ENPP6: variants seen among roughly 807,000 people sequenced by gnomAD.
ENPP6 encodes the protein glycerophosphocholine cholinephosphodiesterase ENPP6.
Under a neutral mutation model 42.0 loss-of-function variants are expected in ENPP6, and 32 were observed. The ratio of observed to expected loss-of-function variants is 0.76; its 90% confidence interval spans 0.58 to 1.02. The LOEUF is 1.02. Ranked by LOEUF, ENPP6 falls within the 50% of genes least tolerant of loss-of-function variation. The pLI is 0.00. For missense variants in ENPP6, 552 were observed against 566.8 expected, an observed-to-expected ratio of 0.97 and a Z score of 0.27; for synonymous variants, 213 against 216.0, an observed-to-expected ratio of 0.99 and a Z score of 0.12.
Position 184,131,140 on chromosome 4 carries a change from A to ACTTACTTTCTTTCTTT in ENPP6, c.422-6869_422-6868insAAAGAAAGAAAGTAAG, listed in dbSNP as rs1491154845. On this transcript the variant is annotated intron_variant, in intron 2 of 7. Transcript: ENST00000296741. ...TTTCAACTTGCTTCCACCAGCACTTACTTTCTTTCTTTCTTTCTTTCTTTC... is the reference window on the plus strand; with the variant it reads ...TTTCAACTTGCTTCCACCAGCACTTACTTACTTTCTTTCTTTCTTTCTTTCTTTCTTTCTTTCTTTC... 5.2e-4 allele frequency among the ~76,000 whole-genome samples: 63 copies of ACTTACTTTCTTTCTTT among 121,712 alleles called. 2 individuals are homozygous for ACTTACTTTCTTTCTTT. In the East Asian group the frequency reaches 6.6e-3, roughly 13 times the overall value. 79.8% of individuals were successfully genotyped at this position (121,712 alleles called of 152,430 possible).
intron 1 of ENPP6, among the ~76,000 whole-genome samples, chr4:184,211,885 C>A (rs1733119061): frequency 6.7e-6 from 1 of 150,370 alleles, no homozygotes; most frequent in Non-Finnish European, 1.5e-5. Flanking sequence ...AAAAGCTTAT[C>A]CACCATGATC....
intron 1 of ENPP6, among the ~76,000 whole-genome samples, chr4:184,168,712 C>T (rs1476693354): frequency 6.6e-6 from 1 of 152,186 alleles, no homozygotes; most frequent in Admixed American, 6.5e-5. Context: ...GTTTGAAGGC[C>T]ACCCCCAGGA....
At chr4:184,116,058 A>T (rs1296743743) in intron 5 of ENPP6, among the ~76,000 whole-genome samples, 3 of 151,976 alleles carry the variant, frequency 2.0e-5, no homozygotes, top group African/African-American at 7.2e-5. Flanking sequence ...TACTAAAAAA[A>T]AAAAATACAA....
chr4:184,211,783 A>C (rs1310466085), intron 1 of ENPP6, among the ~76,000 whole-genome samples: 6 of 148,986 alleles, frequency 4.0e-5, no homozygotes, highest in Non-Finnish European at 5.9e-5. Context: ...GAGACACAAC[A>C]AAAAAAGAGA....
chr4:184,137,201 A>T (rs1169774023), intron 2 of ENPP6, among the ~76,000 whole-genome samples: 1 of 152,158 alleles, frequency 6.6e-6, no homozygotes, highest in Non-Finnish European at 1.5e-5. Context: ...GGTTCAAGCA[A>T]TTCTCCTGCC....
At chr4:184,132,263 T>C (rs1436096261) in intron 2 of ENPP6, among the ~76,000 whole-genome samples, 1 of 152,134 alleles carries the variant, frequency 6.6e-6, no homozygotes, top group Non-Finnish European at 1.5e-5. Context: ...ACAGTGGATA[T>C]GATGAGTTCT....
rs1205694891 is a variant in ENPP6, at chr4:184,186,867, A to G, written c.241+30712T>C. Among the ~76,000 whole-genome samples the G allele has an allele frequency of 3.3e-5, 5 of 152,048 alleles. No homozygotes were observed. The East Asian group carries it at 9.6e-4, about 29-fold the overall frequency. On this transcript the variant is annotated intron_variant, in intron 1 of 7. Coordinates refer to ENST00000296741, the MANE Select transcript of ENPP6 (RefSeq NM_153343.4). ...CCCGGTGCTAGAGTGATCTTTCTAA[A>G]ATGAAAGTCTTATCACACTACCCCC...
rs928598178 is a variant in ENPP6 at position 184,090,502 on chromosome 4, G to A, written c.*675C>T. ...CTCAAGGCAAGAGAGAAATTTTCGT[G>A]CACTCAGACTTTGGGAGGGCACTCA... On this transcript the variant is annotated 3_prime_UTR_variant, in exon 8 of 8. Transcript: ENST00000296741. 3 of 152,566 alleles carry A rather than the reference G, an allele frequency of 2.0e-5. No homozygotes were observed. The highest frequency in any genetic ancestry group is 7.2e-5 in the African/African-American group (3 of 41,482). 9.5% of individuals were successfully genotyped at this position (152,566 alleles called of 1,614,324 possible).
chr4:184,190,070 G>A (rs1732693028), intron 1 of ENPP6, among the ~76,000 whole-genome samples: 1 of 152,108 alleles, frequency 6.6e-6, no homozygotes, highest in African/African-American at 2.4e-5. Context: ...TGGAAGCAGG[G>A]GTGCTAAAAT....
intron 3 of ENPP6, among the ~76,000 whole-genome samples, chr4:184,119,752 G>A (rs780541543): frequency 1.3e-5 from 2 of 151,470 alleles, no homozygotes; most frequent in African/African-American, 2.4e-5. Context: ...TCATGATATT[G>A]CTATTCTCAT....
chr4:184,199,382 G>A (rs1218784031), intron 1 of ENPP6, among the ~76,000 whole-genome samples: 5 of 152,214 alleles, frequency 3.3e-5, no homozygotes, highest in African/African-American at 4.8e-5. Flanking sequence ...CTAGTGAGTG[G>A]CTGAAGAACA....
rs75223339 is a variant in ENPP6 at position 184,207,937 on chromosome 4, A to G, written c.241+9642T>C. ...TGTCCTCAGATGGCCTTTTCTCTGCACGTGCGCATGCCTGTGTCTCTTCGC... is the reference window on the plus strand; with the variant it reads ...TGTCCTCAGATGGCCTTTTCTCTGCGCGTGCGCATGCCTGTGTCTCTTCGC... On this transcript the variant is annotated intron_variant, in intron 1 of 7. Coordinates refer to ENST00000296741, the MANE Select transcript of ENPP6 (RefSeq NM_153343.4). 2.5e-3 allele frequency among the ~76,000 whole-genome samples: 376 copies of G among 152,274 alleles called. 19 individuals are homozygous for G. The East Asian group carries it at 0.069, about 28-fold the overall frequency.
intron 2 of ENPP6, among the ~76,000 whole-genome samples, chr4:184,136,571 C>T (rs1029032929): frequency 6.6e-6 from 1 of 152,146 alleles, no homozygotes; most frequent in African/African-American, 2.4e-5. Context: ...GTTGCTGTCT[C>T]AGTTTACTAT....
chr4:184,162,182 C>G (rs1737272493), intron 1 of ENPP6, among the ~76,000 whole-genome samples: 2 of 152,144 alleles, frequency 1.3e-5, no homozygotes, highest in Admixed American at 1.3e-4. Context: ...CACAGCAACC[C>G]CCTCCAAAAT....
intron 1 of ENPP6, among the ~76,000 whole-genome samples, chr4:184,180,288 A>T (rs1732531727): frequency 6.6e-6 from 1 of 152,220 alleles, no homozygotes; most frequent in Non-Finnish European, 1.5e-5. Flanking sequence ...GGACACATAC[A>T]TCCTCCCAAG....
At chr4:184,104,469 C>A (rs142237065) in intron 6 of ENPP6, among the ~76,000 whole-genome samples, 1 of 152,328 alleles carries the variant, frequency 6.6e-6, no homozygotes, top group East Asian at 1.9e-4. Flanking sequence ...CCCATCCTAC[C>A]TTTGTGAGCA....
chr4:184,191,347 C>T (rs1189513009), intron 1 of ENPP6, among the ~76,000 whole-genome samples: 1 of 152,172 alleles, frequency 6.6e-6, no homozygotes, highest in African/African-American at 2.4e-5. Flanking sequence ...AGTGTTTGAA[C>T]GTACCTAGCA....
rs991816837 is a variant in ENPP6, at chr4:184,184,805, G to A, written c.242-31072C>T. Among the ~76,000 whole-genome samples the A allele has an allele frequency of 3.3e-5, 5 of 152,028 alleles. No homozygotes were observed. The highest frequency in any genetic ancestry group is 4.2e-4 in the South Asian group (2 of 4,794). ...ACAGTCATAGAACAGATTCTCCCTCGGAGCACCGAGAAGGCAAAACCCTTG... is the reference window on the plus strand; with the variant it reads ...ACAGTCATAGAACAGATTCTCCCTCAGAGCACCGAGAAGGCAAAACCCTTG... On this transcript the variant is annotated intron_variant, in intron 1 of 7. Coordinates refer to ENST00000296741, the MANE Select transcript of ENPP6 (RefSeq NM_153343.4). The surrounding 1 kb of genome is among the most constrained non-coding windows in gnomAD (Gnocchi z 4.7).
chr4:184,211,774 AG>A (rs1399535709), intron 1 of ENPP6, among the ~76,000 whole-genome samples: 37 of 151,514 alleles, frequency 2.4e-4, no homozygotes, highest in Non-Finnish European at 4.4e-4. Context: ...AGCCAGGCAG[AG>A]ACACAACAAA....
Sources: allele counts gnomAD v4.1 joint callset (sites outside exome capture counted in the v4.1 genomes callset), GRCh38; gene constraint gnomAD v4.1.1; non-coding constraint Gnocchi (gnomAD v3.1); transcripts MANE v1.5; gene names NCBI Gene and HGNC (gene_info 2026-07-23, HGNC 2026-07-21).